The following A4GNT variants were observed in gnomAD, a reference collection of about 807,000 sequenced individuals.
The protein encoded by A4GNT is alpha-1,4-N-acetylglucosaminyltransferase.
Under a neutral mutation model 8.3 loss-of-function variants are expected in A4GNT, and 6 were observed. That is an observed-to-expected ratio of 0.72 (90% confidence interval 0.39 to 1.42). The LOEUF (loss-of-function observed/expected upper bound fraction) is 1.42, where lower values mean the gene tolerates loss of function less well. A4GNT is among the 40% of genes most tolerant of loss of function. A4GNT has a pLI of 0.02. For synonymous variants in A4GNT, 157 were observed against 159.8 expected, an observed-to-expected ratio of 0.98 and a Z score of 0.13; for missense variants, 377 against 417.0, an observed-to-expected ratio of 0.90 and a Z score of 0.84.
chr3:138,127,471 G>A (rs2042752584), intron 2 of A4GNT, among the ~76,000 whole-genome samples: 1 of 151,972 alleles, frequency 6.6e-6, no homozygotes, highest in African/African-American at 2.4e-5. Context: ...CTACTTGGGA[G>A]GCTGAGGCAG....
At chr3:138,128,243 A>G (rs1247634481) in intron 2 of A4GNT, among the ~76,000 whole-genome samples, 1 of 152,216 alleles carries the variant, frequency 6.6e-6, no homozygotes, top group Non-Finnish European at 1.5e-5. Flanking sequence ...AATACAATTT[A>G]GGCAGTGTGT....
chr3:138,124,567 G>C lies in A4GNT; in HGVS notation c.720C>G (p.Asp240Glu), dbSNP rs1276917980. The change falls in exon 3 of 3, where the codon GAC (aspartate) becomes GAG (glutamate). Residue 240 changes from aspartate (D) to glutamate (E), a missense_variant. Asp to Glu is a conservative substitution (Grantham distance 45). Coordinates refer to ENST00000236709, the MANE Select transcript of A4GNT (RefSeq NM_016161.3). ...RMLRVWCKLE[D>E]FQEVSDLRCL... is the part of the protein sequence containing the mutation. ...ACCTGAGGTCGCTCACCTCCTGGAA[G>C]TCTTCAAGTTTACACCATACCCTCA... 6.2e-7 allele frequency: 1 copy of C among 1,614,220 alleles called. No homozygotes were observed. Among genetic ancestry groups the C allele is most frequent in the Admixed American group, 1.7e-5 (1 of 60,028 alleles).
chr3:138,127,530 C>T (rs369940869), intron 2 of A4GNT, among the ~76,000 whole-genome samples: 6 of 151,126 alleles, frequency 4.0e-5, no homozygotes, highest in Non-Finnish European at 7.4e-5. Context: ...GCCGAGATCA[C>T]GCCACTGCAC....
At chr3:138,133,252 AAGGACCCCAGAAACAGCTTGT>A (rs1455102327), upstream of A4GNT, among the ~76,000 whole-genome samples, 1 of 152,164 alleles carries the variant, frequency 6.6e-6, no homozygotes, top group African/African-American at 2.4e-5. Context: ...CTATGTGTCC[AAGGACCCCAGAAACAGCTTGT>A]AGGTCTCCAC....
rs201500783 is a variant in A4GNT, at chr3:138,124,541, C to T, written c.746G>A (p.Cys249Tyr). 15 of 1,614,136 alleles carry T rather than the reference C, an allele frequency of 9.3e-6. No individual in the cohort carries two copies. Among genetic ancestry groups the T allele is most frequent in the Non-Finnish European group, 8.5e-6 (10 of 1,180,044 alleles). The change falls in exon 3 of 3, where the codon TGT becomes TAT. Residue 249 changes from cysteine to tyrosine, a missense_variant. By Grantham distance (194) the Cys-to-Tyr change is radical (BLOSUM62 -2). Coordinates refer to ENST00000236709, the MANE Select transcript of A4GNT (RefSeq NM_016161.3). ...GGGGTGTAAGAAGGATATGTTCAGACACCTGAGGTCGCTCACCTCCTGGAA... is the reference window on the plus strand; with the variant it reads ...GGGGTGTAAGAAGGATATGTTCAGATACCTGAGGTCGCTCACCTCCTGGAA... ...EDFQEVSDLRCLNISFLHPQR... is the reference protein window; with the variant it reads ...EDFQEVSDLRYLNISFLHPQR...
intron 2 of A4GNT, among the ~76,000 whole-genome samples, chr3:138,127,006 C>T (rs2107885440): frequency 6.7e-6 from 1 of 149,578 alleles, no homozygotes; most frequent in Admixed American, 6.7e-5. Context: ...GTGGTGGGCA[C>T]CTGTAATCCC....
Position 138,124,187 on chromosome 3 carries a change from G to A in A4GNT, c.*77C>T. ...CCTCTGCCCACCCCGCCAAGAGACA[G>A]TGGAGATCAAGTGAAAATGTGGCAC... is the stretch of plus-strand genomic sequence containing the variant. On this transcript the variant is annotated 3_prime_UTR_variant, in exon 3 of 3. Transcript: ENST00000236709. The A allele has an allele frequency of 6.5e-7, 1 of 1,541,032 alleles. No individual in the cohort carries two copies. Among genetic ancestry groups the A allele is most frequent in the Non-Finnish European group, 8.8e-7 (1 of 1,140,214 alleles).
Position 138,131,188 on chromosome 3 carries a change from G to A in A4GNT, c.69C>T (p.Phe23=), listed in dbSNP as rs759853212. ...LLLVCGFLYQ[F]TLKSSCLFCL... ...AGAAGAGGCAGCTGGACTTCAGGGTGAACTGGTAGAGGAAGCCACAGACAA... is the reference window on the plus strand; with the variant it reads ...AGAAGAGGCAGCTGGACTTCAGGGTAAACTGGTAGAGGAAGCCACAGACAA... The change falls in exon 2 of 3, where the codon TTC becomes TTT. Residue 23 remains phenylalanine, a synonymous_variant. Coordinates refer to ENST00000236709, the MANE Select transcript of A4GNT (RefSeq NM_016161.3). 1.9e-6 allele frequency: 3 copies of A among 1,612,496 alleles called. No individual in the cohort carries two copies. Among genetic ancestry groups the A allele is most frequent in the African/African-American group, 1.3e-5 (1 of 74,990 alleles).
intron 2 of A4GNT, among the ~76,000 whole-genome samples, chr3:138,129,803 G>C (rs575472368): frequency 6.6e-6 from 1 of 152,278 alleles, no homozygotes; most frequent in Non-Finnish European, 1.5e-5. Context: ...TTTTGCTTGT[G>C]TGTTTGTTTG....
At chr3:138,132,140 AT>A (rs1481094197) in intron 1 of A4GNT, 71 bp downstream of exon 1, 1 of 152,260 alleles carries the variant, frequency 6.6e-6, no homozygotes, top group Non-Finnish European at 1.5e-5. Flanking sequence ...AGATCACACG[AT>A]TAGCAAGTAG....
At position 138,124,451 on chromosome 3, in the gene A4GNT, G is replaced by A. The variant is rs868624165; in HGVS notation, c.836C>T (p.Pro279Leu). ...CAGGGCATAAGAGACATTGAAGCTT[G>A]GCTCTGTATCCCACACTTCATAGTA... Reference protein sequence around the residue: ...RRYYEVWDTEPSFNVSYALHL... With the variant: ...RRYYEVWDTELSFNVSYALHL... Residue 279 changes from proline to leucine, a missense_variant, in exon 3 of 3, where the codon CCA becomes CTA. Transcript: ENST00000236709. 2 of 1,614,204 alleles carry A rather than the reference G, an allele frequency of 1.2e-6. No individual in the cohort carries two copies. The highest frequency in any genetic ancestry group is 1.3e-5 in the African/African-American group (1 of 75,044).
At chr3:138,129,396 A>G (rs1224989816) in intron 2 of A4GNT, among the ~76,000 whole-genome samples, 2 of 152,268 alleles carry the variant, frequency 1.3e-5, no homozygotes, top group East Asian at 3.9e-4. Context: ...ATGGAGACAG[A>G]GACTGGAGTG....
At position 138,124,707 on chromosome 3, in the gene A4GNT, T is replaced by C. The variant is rs1439248369; in HGVS notation, c.580A>G (p.Ile194Val). 5 of 1,614,186 alleles carry C rather than the reference T, an allele frequency of 3.1e-6. No individual in the cohort carries two copies. The highest frequency in any genetic ancestry group is 4.2e-6 in the Non-Finnish European group (5 of 1,180,036). Residue 194 changes from isoleucine (I) to valine (V), a missense_variant, in exon 3 of 3, where the codon ATA becomes GTA. Ile to Val is a conservative substitution (Grantham distance 29). Coordinates refer to ENST00000236709, the MANE Select transcript of A4GNT (RefSeq NM_016161.3). ...AQASRYSSNGIFGFLPHHPFL... is the reference protein window; with the variant it reads ...AQASRYSSNGVFGFLPHHPFL... ...GGGTGGTGGGGGAGGAACCCAAATA[T>C]TCCATTACTAGAGTACCGAGAAGCC... is the stretch of plus-strand genomic sequence containing the variant.
Position 138,124,050 on chromosome 3 carries a change from G to T in A4GNT, c.*214C>A. ...GCCTGAAATGCAAACATGGTGGGTT[G>T]GAGGTCAAGCAGTCAAATGGACCAT... On this transcript the variant is annotated 3_prime_UTR_variant, in exon 3 of 3. Coordinates refer to ENST00000236709, the MANE Select transcript of A4GNT (RefSeq NM_016161.3). 1 of 570,760 alleles carries T rather than the reference G, an allele frequency of 1.8e-6. No individual in the cohort carries two copies. The highest frequency in any genetic ancestry group is 2.9e-6 in the Non-Finnish European group (1 of 340,790). 35.4% of individuals were successfully genotyped at this position (570,760 alleles called of 1,614,324 possible). A position where few individuals can be genotyped will look rare whatever the true frequency, so the allele number is the denominator to read the frequency against.
At chr3:138,127,145 AATTGTGAC>A (rs1389494710) in intron 2 of A4GNT, among the ~76,000 whole-genome samples, 1 of 151,230 alleles carries the variant, frequency 6.6e-6, no homozygotes, top group African/African-American at 2.4e-5. Flanking sequence ...AAAAAACAAT[AATTGTGAC>A]ATTGTATACA....
intron 2 of A4GNT, among the ~76,000 whole-genome samples, chr3:138,126,781 G>C (rs2042747024): frequency 6.7e-6 from 1 of 150,016 alleles, no homozygotes; most frequent in Non-Finnish European, 1.5e-5. Context: ...AGGAAAGATT[G>C]TACCATTGCA....
intron 2 of A4GNT, among the ~76,000 whole-genome samples, chr3:138,128,984 G>A (rs550307241): frequency 6.6e-6 from 1 of 152,186 alleles, no homozygotes; most frequent in African/African-American, 2.4e-5. Flanking sequence ...AGTCACTGGG[G>A]CCAAGAATAA....
chr3:138,130,973 G>T lies in A4GNT; in HGVS notation c.284C>A (p.Pro95Gln), dbSNP rs145157166. The change falls in exon 2 of 3, where the codon CCG (proline) becomes CAG (glutamine). Residue 95 changes from proline (P) to glutamine (Q), a missense_variant. Coordinates refer to ENST00000236709, the MANE Select transcript of A4GNT (RefSeq NM_016161.3). ...FFMKGLTDSTPMPSNSTYPAF... is the reference protein window; with the variant it reads ...FFMKGLTDSTQMPSNSTYPAF... The stretch of plus-strand genomic sequence containing the variant: ...TGGGTATGTGGAGTTTGAGGGCATC[G>T]GTGTGGAATCAGTAAGACCCTTCAT... The T allele has an allele frequency of 1.2e-6, 2 of 1,614,076 alleles. No individual in the cohort carries two copies. Among genetic ancestry groups the T allele is most frequent in the Admixed American group, 3.3e-5 (2 of 60,004 alleles).
At position 138,129,868 on chromosome 3, in the gene A4GNT, G is replaced by A. The variant is rs1028386159; in HGVS notation, c.408+981C>T. Reference sequence around the variant, plus strand: ...GGCCTTTGAACTCCTGGGCTCCAGCGATCCTCCTGCCTTGGTCTCTGGAGT... The same window carrying A: ...GGCCTTTGAACTCCTGGGCTCCAGCAATCCTCCTGCCTTGGTCTCTGGAGT... On this transcript the variant is annotated intron_variant, in intron 2 of 2. Coordinates refer to ENST00000236709, the MANE Select transcript of A4GNT (RefSeq NM_016161.3). Among the ~76,000 whole-genome samples, 8 of 152,312 alleles carry A rather than the reference G, an allele frequency of 5.3e-5. No individual in the cohort carries two copies. The East Asian group carries it at 1.4e-3, about 26-fold the overall frequency.
Sources: gnomAD v4.1 joint callset for allele counts (sites outside exome capture counted in the v4.1 genomes callset) on GRCh38, gnomAD v4.1.1 for gene constraint, MANE v1.5 for transcripts, NCBI Gene and HGNC (gene_info 2026-07-23, HGNC 2026-07-21) for gene names.